Variants in ANP32A observed in about 807,000 individuals in gnomAD.
ANP32A encodes the protein acidic nuclear phosphoprotein 32 family member A.
Under a neutral mutation model 33.9 loss-of-function variants are expected in ANP32A, and 1 was observed. The observed-to-expected ratio is 0.03, with a 90% CI of 0.01 to 0.14. The LOEUF is 0.14. Among genes scored for constraint, ANP32A ranks in the 10% least tolerant of loss-of-function variants. The probability of loss-of-function intolerance (pLI) is 1.00; values close to 1 mark genes in which losing one functional copy is unlikely to be tolerated. For synonymous variants in ANP32A, 115 were observed against 120.5 expected, an observed-to-expected ratio of 0.95 and a Z score of 0.30; for missense variants, 155 against 306.0, an observed-to-expected ratio of 0.51 and a Z score of 3.68.
At chr15:68,787,259 C>G in intron 3 of ANP32A, 154 bp downstream of exon 3, 1 of 1,112,302 alleles carries the variant, frequency 9.0e-7, no homozygotes, top group Non-Finnish European at 1.3e-6. Flanking sequence ...TCTCTATGGA[C>G]TCAGCAGAAA....
chr15:68,816,287 G>C (rs1203387003), intron 1 of ANP32A, among the ~76,000 whole-genome samples: 1 of 152,202 alleles, frequency 6.6e-6, no homozygotes, highest in African/African-American at 2.4e-5. Context: ...GGAGGCAGTA[G>C]AGTGTAGAGG....
chr15:68,790,655 C>T (rs1164706638), intron 1 of ANP32A: 2 of 152,190 alleles, frequency 1.3e-5, no homozygotes, highest in African/African-American at 4.8e-5. Context: ...GTGTTCTCTC[C>T]GTTTTAAAGG....
chr15:68,812,836 C>G (rs1894331145), intron 1 of ANP32A: 2 of 152,116 alleles, frequency 1.3e-5, no homozygotes, highest in Admixed American at 1.3e-4. Context: ...TTTCTCACTA[C>G]TAGGAGCAGA....
intron 1 of ANP32A, 47 bp downstream of exon 1, chr15:68,820,651 C>CAT: frequency 6.3e-7 from 1 of 1,590,432 alleles, no homozygotes; most frequent in Admixed American, 1.7e-5. Flanking sequence ...CACACACACA[C>CAT]AAAGTAGGAG....
rs188194711 is a variant in ANP32A at position 68,802,131 on chromosome 15, G to A, written c.55-14212C>T. ...GGCTAACACACAGGTCAGTGGACTC[G>A]CTGGTTCAAGGTCACCTCTTTTTTT... On this transcript the variant is annotated intron_variant, in intron 1 of 6. Coordinates refer to ENST00000465139, the MANE Select transcript of ANP32A (RefSeq NM_006305.4). 5.2e-4 allele frequency among the ~76,000 whole-genome samples: 79 copies of A among 152,254 alleles called. 1 individual carries two copies. The highest frequency in any genetic ancestry group is 1.7e-3 in the African/African-American group (72 of 41,534).
At chr15:68,820,632 GCACACACACA>G (rs35802209) in intron 1 of ANP32A, 56 bp downstream of exon 1, 12 of 944,422 alleles carry the variant, frequency 1.3e-5, no homozygotes, top group Non-Finnish European at 5.9e-6. Context: ...CCCCCAGCGC[GCACACACACA>G]CACACACACA....
intron 1 of ANP32A, among the ~76,000 whole-genome samples, chr15:68,793,430 C>T (rs1263716194): frequency 6.6e-6 from 1 of 152,216 alleles, no homozygotes; most frequent in Admixed American, 6.5e-5. Context: ...ACCCAGTGCT[C>T]TGCATGCAGG....
At chr15:68,812,616 T>C (rs553696064) in intron 1 of ANP32A, among the ~76,000 whole-genome samples, 51 of 152,318 alleles carry the variant, frequency 3.3e-4, no homozygotes, top group Admixed American at 3.3e-4. Flanking sequence ...CAAACAAAAC[T>C]ACAAGTATTG....
chr15:68,784,649 G>A (rs1596063913), intron 3 of ANP32A, 54 bp from the exon 4 acceptor site: 6 of 1,592,728 alleles, frequency 3.8e-6, no homozygotes, highest in East Asian at 4.5e-5. Context: ...GGAAGGTGGA[G>A]GAACAGCCCT....
At chr15:68,796,726 C>T (rs952656239) in intron 1 of ANP32A, among the ~76,000 whole-genome samples, 4 of 152,192 alleles carry the variant, frequency 2.6e-5, no homozygotes, top group Non-Finnish European at 5.9e-5. Flanking sequence ...ACTCTGATGA[C>T]CTGGGCTTTG....
intron 1 of ANP32A, among the ~76,000 whole-genome samples, chr15:68,812,227 G>A (rs1009790754): frequency 3.3e-5 from 5 of 152,240 alleles, no homozygotes; most frequent in African/African-American, 1.2e-4. Flanking sequence ...ACAGTTGGAA[G>A]TGGCGGAAGC....
intron 1 of ANP32A, among the ~76,000 whole-genome samples, chr15:68,803,469 T>A (rs1386804942): frequency 6.6e-6 from 1 of 152,210 alleles, no homozygotes; most frequent in Non-Finnish European, 1.5e-5. Context: ...AAGCAGCACC[T>A]AAGCCCCTAA....
At chr15:68,820,245 A>C (rs1456951365) in intron 1 of ANP32A, among the ~76,000 whole-genome samples, 1 of 152,156 alleles carries the variant, frequency 6.6e-6, no homozygotes, top group African/African-American at 2.4e-5. Context: ...AAGGGGGGAT[A>C]CATTTATAAA....
rs546520305 is a variant in ANP32A at position 68,785,720 on chromosome 15, G to C, written c.328-1125C>G. Among the ~76,000 whole-genome samples, 3 of 152,278 alleles carry C rather than the reference G, an allele frequency of 2.0e-5. No individual in the cohort carries two copies. The South Asian group carries it at 6.2e-4, about 32-fold the overall frequency. On this transcript the variant is annotated intron_variant, in intron 3 of 6. Transcript: ENST00000465139. ...GGGCGGAGAAAGCACTGAGACACGT[G>C]TGATCTGGGCAGGGGGCAGTGGAGA...
intron 1 of ANP32A, among the ~76,000 whole-genome samples, chr15:68,820,083 A>G (rs1369660121): frequency 6.6e-6 from 1 of 151,486 alleles, no homozygotes; most frequent in Non-Finnish European, 1.5e-5. Context: ...GCCATTCCCA[A>G]CTCCGCTGCA....
chr15:68,780,557 C>G lies in ANP32A; in HGVS notation c.625-84G>C. 6.3e-7 allele frequency: 1 copy of G among 1,576,350 alleles called. No individual in the cohort carries two copies. The highest frequency in any genetic ancestry group is 8.6e-7 in the Non-Finnish European group (1 of 1,163,028). On this transcript the variant is annotated intron_variant, in intron 5 of 6. Transcript: ENST00000465139. The surrounding 1 kb of genome is among the most constrained non-coding windows in gnomAD (Gnocchi z 4.3). ...GAAGCCACACAGAGCACAAAAAGGC[C>G]GGGGTCACCCCCAGCCTCTCAGAGC...
intron 1 of ANP32A, among the ~76,000 whole-genome samples, chr15:68,814,019 G>A (rs1046049736): frequency 1.3e-5 from 2 of 151,954 alleles, no homozygotes; most frequent in Non-Finnish European, 2.9e-5. Flanking sequence ...ACAGGCACCC[G>A]CCACCATGCC....
At chr15:68,786,400 C>T (rs1351372509) in intron 3 of ANP32A, among the ~76,000 whole-genome samples, 1 of 151,892 alleles carries the variant, frequency 6.6e-6, no homozygotes, top group Non-Finnish European at 1.5e-5. Flanking sequence ...GCTGGGACTA[C>T]AGGCGTGTGC....
At chr15:68,813,799 C>T (rs2140374531) in intron 1 of ANP32A, among the ~76,000 whole-genome samples, 1 of 151,856 alleles carries the variant, frequency 6.6e-6, no homozygotes, top group Middle Eastern at 3.4e-3. Flanking sequence ...CGGCTCCTTT[C>T]CTAAGTGACT....
Sources: allele counts gnomAD v4.1 joint callset (sites outside exome capture counted in the v4.1 genomes callset), GRCh38; gene constraint gnomAD v4.1.1; non-coding constraint Gnocchi (gnomAD v3.1); transcripts MANE v1.5; gene names NCBI Gene and HGNC (gene_info 2026-07-23, HGNC 2026-07-21).